Variants in TMEM38B observed in about 807,000 individuals in gnomAD.
TMEM38B encodes trimeric intracellular cation channel type B.
A neutral mutation model predicts 28.7 loss-of-function variants in TMEM38B; 24 were observed. That is an observed-to-expected ratio of 0.84 (90% CI 0.61 to 1.18). The LOEUF is 1.18. Among genes scored for constraint, TMEM38B ranks in the 50% most tolerant of loss-of-function variants. The pLI is 0.00. For synonymous variants in TMEM38B, 131 were observed against 127.7 expected (o/e 1.03, Z -0.17); for missense variants, 380 against 350.9 (o/e 1.08, Z -0.66).
intron 2 of TMEM38B, among the ~76,000 whole-genome samples, chr9:105,717,574 G>A (rs1564392686): frequency 6.6e-6 from 1 of 152,042 alleles, no homozygotes; most frequent in Admixed American, 6.5e-5. Flanking sequence ...CAGGAATAGA[G>A]CTTAAACAGA....
chr9:105,737,047 C>T (rs1837011193), intron 4 of TMEM38B, among the ~76,000 whole-genome samples: 1 of 152,218 alleles, frequency 6.6e-6, no homozygotes. Flanking sequence ...TCTGATCTGA[C>T]ATGGCCCACA....
chr9:105,705,878 A>G, intron 2 of TMEM38B, 125 bp downstream of exon 2: 1 of 989,872 alleles, frequency 1.0e-6, no homozygotes, highest in South Asian at 1.9e-5. Context: ...ATCTGCAAGG[A>G]AGGAACCCAA....
At chr9:105,760,775 A>G (rs945118577) in intron 5 of TMEM38B, 6 of 945,730 alleles carry the variant, frequency 6.3e-6, no homozygotes, top group African/African-American at 5.0e-5. Flanking sequence ...AAATTATGTA[A>G]TACTTGTGGA....
chr9:105,760,223 T>C, intron 5 of TMEM38B: 1 of 877,946 alleles, frequency 1.1e-6, no homozygotes, highest in Non-Finnish European at 1.9e-6. Flanking sequence ...ATGTCCAAAC[T>C]TCATGATGCA....
chr9:105,738,834 C>T lies in TMEM38B; in HGVS notation c.543-9239C>T, dbSNP rs922718091. 2.0e-5 allele frequency among the ~76,000 whole-genome samples: 3 copies of T among 151,720 alleles called. No individual in the cohort carries two copies. In the South Asian group the frequency reaches 6.3e-4, roughly 32 times the overall value. On this transcript the variant is annotated intron_variant, in intron 4 of 5. Coordinates refer to ENST00000374692, the MANE Select transcript of TMEM38B (RefSeq NM_018112.3). ...CCAGCCTCAAGCAATCCCCCCGTCT[C>T]AGCCTCCTGAGTAGCTGGGACTACA...
chr9:105,699,349 C>T (rs1333097732), intron 1 of TMEM38B, among the ~76,000 whole-genome samples: 1 of 152,162 alleles, frequency 6.6e-6, no homozygotes, highest in Non-Finnish European at 1.5e-5. Flanking sequence ...AGAACTCACA[C>T]CTACAGTAAA....
intron 5 of TMEM38B, chr9:105,759,751 T>C: frequency 6.2e-7 from 1 of 1,607,148 alleles, no homozygotes; most frequent in Non-Finnish European, 8.5e-7. Context: ...TCAAAAGCCA[T>C]TCCGTGCTGG....
chr9:105,745,800 G>A (rs981337108), intron 4 of TMEM38B, among the ~76,000 whole-genome samples: 11 of 151,928 alleles, frequency 7.2e-5, no homozygotes, highest in Non-Finnish European at 4.4e-5. Flanking sequence ...TCTACATATG[G>A]CTAGCCAGTT....
chr9:105,707,906 T>A (rs1835737975), intron 2 of TMEM38B, among the ~76,000 whole-genome samples: 1 of 152,232 alleles, frequency 6.6e-6, no homozygotes, highest in African/African-American at 2.4e-5. Context: ...GACTTTTATT[T>A]CTATAACAAT....
intron 5 of TMEM38B, among the ~76,000 whole-genome samples, chr9:105,758,012 CT>C (rs1336051613): frequency 6.6e-6 from 1 of 152,234 alleles, no homozygotes; most frequent in African/African-American, 2.4e-5. Context: ...CGGGGCACAA[CT>C]TTATCAGAAC....
intron 1 of TMEM38B, among the ~76,000 whole-genome samples, 161 bp from the exon 2 acceptor site, chr9:105,705,436 A>G (rs1835620351): frequency 6.6e-6 from 1 of 152,244 alleles, no homozygotes; most frequent in South Asian, 2.1e-4. Context: ...TTTAAAGAAT[A>G]AAAGGTATGA....
rs1826723793 is a variant in TMEM38B, at chr9:105,776,593, T to A, written c.*2513T>A. ...TCAGAATGCTCTTTCTTTCCCCCAATAAAGCCCTTTATAGTGTTTGCCCCA... is the reference window on the plus strand; with the variant it reads ...TCAGAATGCTCTTTCTTTCCCCCAAAAAAGCCCTTTATAGTGTTTGCCCCA... On this transcript the variant is annotated 3_prime_UTR_variant, in exon 6 of 6. Coordinates refer to ENST00000374692, the MANE Select transcript of TMEM38B (RefSeq NM_018112.3). 1 of 152,166 alleles carries A rather than the reference T, an allele frequency of 6.6e-6. No homozygotes were observed. Among genetic ancestry groups the A allele is most frequent in the African/African-American group, 2.4e-5 (1 of 41,450 alleles). The allele number at this position is 152,166 out of a possible 1,614,324, so 9.4% of individuals were successfully genotyped here.
At chr9:105,766,052 C>T (rs1042827243) in intron 5 of TMEM38B, among the ~76,000 whole-genome samples, 12 of 152,274 alleles carry the variant, frequency 7.9e-5, no homozygotes, top group Non-Finnish European at 1.0e-4. Flanking sequence ...CCGCCTGCCT[C>T]GGCCTCCCAG....
intron 5 of TMEM38B, 91 bp downstream of exon 5, chr9:105,748,281 A>G: frequency 1.2e-6 from 1 of 863,100 alleles, no homozygotes. Context: ...TAAGAGGAAC[A>G]TTTATTTATT....
At chr9:105,697,590 T>A (rs1205062583) in intron 1 of TMEM38B, among the ~76,000 whole-genome samples, 3 of 152,178 alleles carry the variant, frequency 2.0e-5, no homozygotes, top group African/African-American at 4.8e-5. Context: ...TTTTGTCCAT[T>A]TTCTTATTGG....
In TMEM38B at chr9:105,774,027, G is replaced by A; in HGVS notation, c.823G>A (p.Val275Ile). ...NGVGSLASKP[V>I]DVASDNVKKK... is the part of the protein sequence containing the mutation. Reference sequence around the variant, plus strand: ...CGTTGGGTCATTGGCCTCAAAGCCGGTAGATGTTGCCTCAGATAATGTTAA... The same window carrying A: ...CGTTGGGTCATTGGCCTCAAAGCCGATAGATGTTGCCTCAGATAATGTTAA... Residue 275 changes from valine to isoleucine, a missense_variant, in exon 6 of 6, where the codon GTA becomes ATA. Val to Ile is a conservative substitution (Grantham distance 29). Coordinates refer to ENST00000374692, the MANE Select transcript of TMEM38B (RefSeq NM_018112.3). 1 of 1,613,716 alleles carries A rather than the reference G, an allele frequency of 6.2e-7. No homozygotes were observed. The highest frequency in any genetic ancestry group is 8.5e-7 in the Non-Finnish European group (1 of 1,179,772).
chr9:105,729,616 A>T (rs1439187744), intron 4 of TMEM38B, among the ~76,000 whole-genome samples: 2 of 152,162 alleles, frequency 1.3e-5, no homozygotes, highest in Admixed American at 6.6e-5. Flanking sequence ...AATTCTGTGA[A>T]GAAAGTCATT....
intron 4 of TMEM38B, among the ~76,000 whole-genome samples, chr9:105,726,470 A>G (rs1039725293): frequency 1.3e-5 from 2 of 152,110 alleles, no homozygotes; most frequent in Non-Finnish European, 2.9e-5. Context: ...CAGGGTCAGG[A>G]TCATCAATAT....
At chr9:105,765,476 C>A (rs145714500) in intron 5 of TMEM38B, among the ~76,000 whole-genome samples, 82 of 152,274 alleles carry the variant, frequency 5.4e-4, no homozygotes, top group African/African-American at 1.9e-3. Flanking sequence ...CACTTTGGAG[C>A]ATTTCCTTGT....
Sources: allele counts gnomAD v4.1 joint callset (sites outside exome capture counted in the v4.1 genomes callset), GRCh38; gene constraint gnomAD v4.1.1; transcripts MANE v1.5; gene names NCBI Gene and HGNC (gene_info 2026-07-23, HGNC 2026-07-21).